Variants in IGF2BP3 observed in about 807,000 individuals in gnomAD.
IGF2BP3 encodes the protein insulin-like growth factor 2 mRNA-binding protein 3.
IGF2BP3 carries 9 observed loss-of-function variants against 73.8 expected under a neutral mutation model. The observed-to-expected ratio is 0.12, with a 90% CI of 0.07 to 0.21. The LOEUF (loss-of-function observed/expected upper bound fraction) is 0.21, where lower values mean the gene tolerates loss of function less well. IGF2BP3 is among the 10% of genes least tolerant of loss of function. IGF2BP3 has a pLI of 1.00. For synonymous variants in IGF2BP3, 258 were observed against 256.7 expected (o/e 1.01, Z -0.05); for missense variants, 542 against 714.0 (o/e 0.76, Z 2.75).
chr7:23,387,189 A>G (rs1334689143), intron 3 of IGF2BP3, among the ~76,000 whole-genome samples: 2 of 152,200 alleles, frequency 1.3e-5, no homozygotes, highest in Non-Finnish European at 1.5e-5. Context: ...TGAGAATGAC[A>G]TTTTATCTGA....
At chr7:23,425,162 T>C (rs181178425) in intron 2 of IGF2BP3, among the ~76,000 whole-genome samples, 1 of 152,392 alleles carries the variant, frequency 6.6e-6, no homozygotes, top group East Asian at 1.9e-4. Context: ...GGTTTGTTCG[T>C]ATCAAGATGC....
At chr7:23,312,654 A>T in intron 14 of IGF2BP3, 81 bp downstream of exon 14, 1 of 1,056,948 alleles carries the variant, frequency 9.5e-7, no homozygotes, top group Non-Finnish European at 1.4e-6. Flanking sequence ...AACCTTAACT[A>T]ATTCTATCAG....
chr7:23,435,809 G>A (rs1787797006), intron 2 of IGF2BP3, among the ~76,000 whole-genome samples: 1 of 152,046 alleles, frequency 6.6e-6, no homozygotes, highest in Middle Eastern at 3.2e-3. Context: ...CCAGGCTGGA[G>A]GGCAGTGGTG....
intron 3 of IGF2BP3, among the ~76,000 whole-genome samples, chr7:23,391,773 A>C (rs73281643): frequency 0.082 from 12,506 of 152,238 alleles, 1,203 homozygotes; most frequent in African/African-American, 0.23. Flanking sequence ...CCCAGTACAC[A>C]CCCTAGTTGA....
intron 10 of IGF2BP3, among the ~76,000 whole-genome samples, chr7:23,329,139 G>C (rs137911490): frequency 0.025 from 3,774 of 151,966 alleles, 137 homozygotes; most frequent in African/African-American, 0.081. Flanking sequence ...CATGAACCCG[G>C]AAGGTGGAGC....
At chr7:23,404,857 C>A (rs1317564326) in intron 3 of IGF2BP3, among the ~76,000 whole-genome samples, 2 of 152,120 alleles carry the variant, frequency 1.3e-5, no homozygotes, top group South Asian at 2.1e-4. Flanking sequence ...CCCTGTCACT[C>A]CCAATTGGTT....
At chr7:23,460,848 G>A (rs942124762) in intron 2 of IGF2BP3, among the ~76,000 whole-genome samples, 2 of 152,236 alleles carry the variant, frequency 1.3e-5, no homozygotes, top group East Asian at 3.9e-4. Flanking sequence ...CTACTTGGGA[G>A]GCTGTGGCAG....
chr7:23,368,343 A>AAATAAAGAAAGAAAG (rs1785444088), intron 3 of IGF2BP3, among the ~76,000 whole-genome samples: 1 of 137,924 alleles, frequency 7.3e-6, no homozygotes, highest in Admixed American at 7.6e-5. Context: ...AAGAAAGAAA[A>AAATAAAGAAAGAAAG]AAAGAAAGAA....
At chr7:23,317,958 T>C (rs1257179178) in intron 11 of IGF2BP3, 2 of 529,656 alleles carry the variant, frequency 3.8e-6, no homozygotes, top group Non-Finnish European at 6.8e-6. Flanking sequence ...CAGCTAATCC[T>C]CACCACGTCC....
chr7:23,351,753 C>T (rs1160161832), intron 5 of IGF2BP3, among the ~76,000 whole-genome samples, 167 bp from the exon 6 acceptor site: 4 of 152,084 alleles, frequency 2.6e-5, no homozygotes, highest in African/African-American at 7.2e-5. Flanking sequence ...TCCCCTCTCC[C>T]ACCCCGCACC....
At chr7:23,357,961 C>T (rs1200378346) in intron 5 of IGF2BP3, among the ~76,000 whole-genome samples, 3 of 152,198 alleles carry the variant, frequency 2.0e-5, no homozygotes, top group African/African-American at 7.2e-5. Context: ...CCAGCCATCA[C>T]TGGAAATGAA....
Position 23,469,575 on chromosome 7 carries a change from T to C in IGF2BP3, c.175+361A>G, listed in dbSNP as rs1714496740. On this transcript the variant is annotated intron_variant, in intron 1 of 14. Transcript: ENST00000258729. This position sits in a 1 kb window ranked among gnomAD's most constrained non-coding sequence, Gnocchi z 6.1. Reference sequence around the variant, plus strand: ...GGAAGGAACGAGGCACAGGCGGGCATTCTAGCTCGGCCCCCGAGGCCCAGC... The same window carrying C: ...GGAAGGAACGAGGCACAGGCGGGCACTCTAGCTCGGCCCCCGAGGCCCAGC... 6.5e-6 allele frequency: 1 copy of C among 154,714 alleles called. No individual in the cohort carries two copies. The highest frequency in any genetic ancestry group is 2.4e-5 in the African/African-American group (1 of 41,496). The allele number at this position is 154,714 out of a possible 1,614,324, so 9.6% of individuals were successfully genotyped here. A position where few individuals can be genotyped will look rare whatever the true frequency, so the allele number is the denominator to read the frequency against.
intron 8 of IGF2BP3, among the ~76,000 whole-genome samples, chr7:23,345,069 T>C (rs1403329630): frequency 6.6e-6 from 1 of 152,234 alleles, no homozygotes; most frequent in Non-Finnish European, 1.5e-5. Flanking sequence ...AAACAGAAGT[T>C]TCCTGCTTCC....
chr7:23,450,656 C>T (rs1053023473), intron 2 of IGF2BP3: 1 of 152,168 alleles, frequency 6.6e-6, no homozygotes, highest in African/African-American at 2.4e-5. Flanking sequence ...AAAACTACCA[C>T]TTGGTGTTAC....
At chr7:23,455,778 C>A (rs1160913191) in intron 2 of IGF2BP3, among the ~76,000 whole-genome samples, 1 of 152,158 alleles carries the variant, frequency 6.6e-6, no homozygotes, top group Non-Finnish European at 1.5e-5. Context: ...CTCCGCCTCC[C>A]GGATTCGAGC....
intron 3 of IGF2BP3, chr7:23,402,714 T>C (rs1014960246): frequency 1.3e-5 from 2 of 152,220 alleles, no homozygotes; most frequent in Admixed American, 1.3e-4. Flanking sequence ...TTGAATCTAA[T>C]AATAAAAATC....
chr7:23,344,735 A>T (rs1475946109), intron 8 of IGF2BP3, among the ~76,000 whole-genome samples: 5 of 152,232 alleles, frequency 3.3e-5, no homozygotes, highest in Non-Finnish European at 2.9e-5. Context: ...TACTAGTATA[A>T]TGTCACAGGC....
intron 10 of IGF2BP3, among the ~76,000 whole-genome samples, chr7:23,333,084 G>A (rs746101403): frequency 6.6e-6 from 1 of 152,124 alleles, no homozygotes; most frequent in South Asian, 2.1e-4. Context: ...AGAATTTTAT[G>A]CTGCTTATAA....
At chr7:23,391,576 G>A (rs17797853) in intron 3 of IGF2BP3, among the ~76,000 whole-genome samples, 20,751 of 152,064 alleles carry the variant, frequency 0.14, 1,535 homozygotes, top group Middle Eastern at 0.24. Context: ...AACTTCTTTG[G>A]AACTGAGCCC....
Sources: allele counts gnomAD v4.1 joint callset (sites outside exome capture counted in the v4.1 genomes callset), GRCh38; gene constraint gnomAD v4.1.1; non-coding constraint Gnocchi (gnomAD v3.1); transcripts MANE v1.5; gene names NCBI Gene and HGNC (gene_info 2026-07-23, HGNC 2026-07-21).